Variants in CDH13 observed in about 807,000 individuals in gnomAD.
CDH13 encodes cadherin 13.
A neutral mutation model predicts 63.8 loss-of-function variants in CDH13; 24 were observed. The ratio of observed to expected loss-of-function variants is 0.38; its 90% CI spans 0.27 to 0.53. CDH13 has a LOEUF of 0.53. CDH13 is among the 20% of genes least tolerant of loss of function. The probability of loss-of-function intolerance (pLI) is 0.85; values close to 1 mark genes in which losing one functional copy is unlikely to be tolerated. For missense variants in CDH13, 1,049 were observed against 903.1 expected (o/e 1.16, Z -2.07); for synonymous variants, 503 against 355.3 (o/e 1.42, Z -4.67).
Position 83,248,062 on chromosome 16 carries a change from G to A in CDH13, c.636+30565G>A, listed in dbSNP as rs1905139052. 2.6e-5 allele frequency among the ~76,000 whole-genome samples: 4 copies of A among 152,146 alleles called. No homozygotes were observed. The South Asian group carries it at 8.3e-4, about 32-fold the overall frequency. ...CTGGAGGGGAAGATTCATGTTTTCT[G>A]ATTTCTGAGGGTCCCTCCTGATCAG... is the stretch of plus-strand genomic sequence containing the variant. On this transcript the variant is annotated intron_variant, in intron 5 of 13. Transcript: ENST00000567109.
chr16:83,527,114 G>GAGCA (rs1567738123), intron 7 of CDH13, among the ~76,000 whole-genome samples: 1 of 148,390 alleles, frequency 6.7e-6, no homozygotes, highest in Non-Finnish European at 1.5e-5. Context: ...CTGGGCAACA[G>GAGCA]AGCAAGACTC....
intron 1 of CDH13, among the ~76,000 whole-genome samples, chr16:82,759,598 A>G (rs1244887186): frequency 6.6e-6 from 1 of 150,890 alleles, no homozygotes; most frequent in East Asian, 1.9e-4. Flanking sequence ...TATAATATAT[A>G]TGTATAATAT....
At chr16:82,639,070 T>C (rs1909059432) in intron 1 of CDH13, among the ~76,000 whole-genome samples, 1 of 152,204 alleles carries the variant, frequency 6.6e-6, no homozygotes, top group South Asian at 2.1e-4. Context: ...TTTGGACCCA[T>C]GCGTCTTTAT....
intron 6 of CDH13, among the ~76,000 whole-genome samples, chr16:83,387,560 G>T (rs1379825235): frequency 6.6e-6 from 1 of 152,168 alleles, no homozygotes; most frequent in African/African-American, 2.4e-5. Context: ...CTTAAATAGT[G>T]CTCAGAAATC....
chr16:83,026,178 G>T (rs541944105), intron 2 of CDH13, among the ~76,000 whole-genome samples: 1 of 152,330 alleles, frequency 6.6e-6, no homozygotes, highest in Non-Finnish European at 1.5e-5. Context: ...ACCTCACTTG[G>T]TACCTCTGAT....
chr16:83,048,142 T>C (rs1917971269), intron 3 of CDH13, among the ~76,000 whole-genome samples: 1 of 152,214 alleles, frequency 6.6e-6, no homozygotes. Context: ...AGAAATCTAA[T>C]TGAATTTAAT....
In CDH13 at chr16:83,581,273, C is replaced by A. The variant is rs149036900; in HGVS notation, c.961-21181C>A. Among the ~76,000 whole-genome samples, 3 of 152,288 alleles carry A rather than the reference C, an allele frequency of 2.0e-5. No individual in the cohort carries two copies. The South Asian group carries it at 6.2e-4, about 32-fold the overall frequency. On this transcript the variant is annotated intron_variant, in intron 7 of 13. Transcript: ENST00000567109. ...TCCCTGAGTACAGCCTCAGTATTTA[C>A]CCCTGTTTTAAACAGCTACTCTTCC... is the stretch of plus-strand genomic sequence containing the variant.
At chr16:82,674,074 C>A (rs1023530124) in intron 1 of CDH13, among the ~76,000 whole-genome samples, 3 of 152,118 alleles carry the variant, frequency 2.0e-5, no homozygotes, top group African/African-American at 7.2e-5. Context: ...GTTTTTCTTC[C>A]CATTTAAGAA....
chr16:83,362,418 C>T (rs78522189), intron 6 of CDH13, among the ~76,000 whole-genome samples: 19,979 of 152,246 alleles, frequency 0.13, 1,833 homozygotes, highest in African/African-American at 0.25. Context: ...ATTTAGACAC[C>T]TTTTGTCTTT....
intron 1 of CDH13, among the ~76,000 whole-genome samples, chr16:82,652,701 G>C (rs1416895276): frequency 6.8e-6 from 1 of 147,604 alleles, no homozygotes; most frequent in Non-Finnish European, 1.5e-5. Context: ...GCATTACCTA[G>C]AATTGTTTTT....
intron 1 of CDH13, among the ~76,000 whole-genome samples, chr16:82,664,268 T>C (rs866514060): frequency 1.3e-5 from 2 of 152,234 alleles, no homozygotes; most frequent in African/African-American, 4.8e-5. Context: ...CCTCCTCAGA[T>C]GGATGGAGTA....
intron 10 of CDH13, among the ~76,000 whole-genome samples, chr16:83,744,214 C>A (rs140212183): frequency 6.6e-5 from 10 of 152,256 alleles, no homozygotes; most frequent in African/African-American, 2.2e-4. Context: ...ATGGCAGAGC[C>A]GTCAGGGCCC....
chr16:82,889,422 C>G (rs564906663), intron 2 of CDH13, among the ~76,000 whole-genome samples: 1 of 152,056 alleles, frequency 6.6e-6, no homozygotes, highest in Non-Finnish European at 1.5e-5. Context: ...AACTCGCTTT[C>G]GGGTTGATGG....
chr16:83,565,808 T>C (rs1444690998), intron 7 of CDH13, among the ~76,000 whole-genome samples: 1 of 152,228 alleles, frequency 6.6e-6, no homozygotes, highest in Non-Finnish European at 1.5e-5. Context: ...GCTTCTGACT[T>C]TTCTTTTGTG....
At chr16:83,504,872 C>T (rs1023741766) in intron 7 of CDH13, among the ~76,000 whole-genome samples, 26 of 152,088 alleles carry the variant, frequency 1.7e-4, no homozygotes, top group African/African-American at 6.0e-4. Flanking sequence ...AATTAGTGTC[C>T]TGCCAGGTAA....
chr16:83,044,063 A>G (rs1324279880), intron 3 of CDH13, among the ~76,000 whole-genome samples: 1 of 152,228 alleles, frequency 6.6e-6, no homozygotes, highest in Non-Finnish European at 1.5e-5. Context: ...GGAAAGGATC[A>G]TTCACTGAGT....
chr16:83,050,144 A>C (rs1047293421), intron 3 of CDH13, among the ~76,000 whole-genome samples: 10 of 152,150 alleles, frequency 6.6e-5, no homozygotes, highest in African/African-American at 9.7e-5. Flanking sequence ...TCTCTTAAAA[A>C]AAACCCTGCT....
intron 6 of CDH13, among the ~76,000 whole-genome samples, chr16:83,484,639 G>A (rs1029031461): frequency 6.6e-6 from 1 of 152,200 alleles, no homozygotes; most frequent in African/African-American, 2.4e-5. Flanking sequence ...CTTTCCCGAT[G>A]ACCATGCCAA....
chr16:82,674,670 G>A (rs766738752), intron 1 of CDH13, among the ~76,000 whole-genome samples: 2 of 152,192 alleles, frequency 1.3e-5, no homozygotes, highest in African/African-American at 2.4e-5. Context: ...TGAGAAATAT[G>A]AGATGTGTCA....
Sources: allele counts gnomAD v4.1 joint callset (sites outside exome capture counted in the v4.1 genomes callset), GRCh38; gene constraint gnomAD v4.1.1; transcripts MANE v1.5; gene names NCBI Gene and HGNC (gene_info 2026-07-23, HGNC 2026-07-21).